The following LAMA1 variants were observed in gnomAD, a reference collection of about 807,000 sequenced individuals.
LAMA1 encodes laminin subunit alpha-1.
In LAMA1, 219 loss-of-function variants were observed where a neutral mutation model predicts 348.7. That is an observed-to-expected ratio of 0.63 (90% CI 0.56 to 0.70). The LOEUF is 0.70. Among genes scored for constraint, LAMA1 ranks in the 30% least tolerant of loss-of-function variants. The pLI, the probability that LAMA1 is intolerant of heterozygous loss-of-function variation, is 0.00. For missense variants in LAMA1, 3,744 were observed against 3,888.0 expected, an observed-to-expected ratio of 0.96 and a Z score of 0.99; for synonymous variants, 1,487 against 1,491.0, an observed-to-expected ratio of 1.00 and a Z score of 0.06.
rs147983400 is a variant in LAMA1, at chr18:7,095,928, C to T, written c.62-15471G>A. Among the ~76,000 whole-genome samples the T allele has an allele frequency of 3.4e-3, 518 of 152,268 alleles. 5 individuals carry two copies. Among genetic ancestry groups the T allele is most frequent in the African/African-American group, 0.012 (489 of 41,542 alleles). The stretch of plus-strand genomic sequence containing the variant: ...CTAAAAATACAAAAAATTCGCCAGG[C>T]GTGGTGGCAGGCGCCTGTAATTCCA... On this transcript the variant is annotated intron_variant, in intron 1 of 62. Coordinates refer to ENST00000389658, the MANE Select transcript of LAMA1 (RefSeq NM_005559.4).
chr18:6,956,316 C>T, intron 56 of LAMA1: 1 of 438,690 alleles, frequency 2.3e-6, no homozygotes, highest in Non-Finnish European at 4.3e-6. Context: ...ACATGAAGTA[C>T]TTATTTTCAT....
intron 3 of LAMA1, among the ~76,000 whole-genome samples, chr18:7,055,443 A>G (rs1380073622): frequency 9.9e-5 from 14 of 141,966 alleles, no homozygotes; most frequent in Non-Finnish European, 1.5e-4. Flanking sequence ...GACAGAGTGA[A>G]ACTCCGTCTC....
intron 62 of LAMA1, 66 bp downstream of exon 62, chr18:6,943,114 C>T: frequency 7.2e-7 from 1 of 1,395,522 alleles, no homozygotes; most frequent in Non-Finnish European, 1.0e-6. Context: ...TCTACATCCA[C>T]CTGAACCAAG....
At chr18:7,004,740 T>C (rs913162002) in intron 29 of LAMA1, among the ~76,000 whole-genome samples, 1 of 152,196 alleles carries the variant, frequency 6.6e-6, no homozygotes, top group African/African-American at 2.4e-5. Context: ...GGTCTTCATA[T>C]CTACCTGTAC....
At chr18:7,024,611 C>T (rs766254869) in intron 17 of LAMA1, 145 bp from the exon 18 acceptor site, 5 of 700,938 alleles carry the variant, frequency 7.1e-6, no homozygotes, top group Admixed American at 2.1e-5. Flanking sequence ...CTCTGGTCAC[C>T]CAGCCCACCC....
intron 34 of LAMA1, among the ~76,000 whole-genome samples, chr18:6,994,716 G>GAAAA (rs10625290): frequency 0.59 from 88,940 of 150,446 alleles, 27,341 homozygotes; most frequent in East Asian, 0.9. Flanking sequence ...ATTCATAAAT[G>GAAAA]AAAAAACAGT....
chr18:7,074,084 C>A (rs1288822777), intron 3 of LAMA1, among the ~76,000 whole-genome samples: 1 of 152,106 alleles, frequency 6.6e-6, no homozygotes, highest in South Asian at 2.1e-4. Context: ...CTGACCTCCT[C>A]GGCCTCCCAA....
At chr18:7,029,472 C>T (rs2057958643) in intron 16 of LAMA1, among the ~76,000 whole-genome samples, 1 of 152,172 alleles carries the variant, frequency 6.6e-6, no homozygotes, top group African/African-American at 2.4e-5. Flanking sequence ...TGGAACATGT[C>T]TATGGTATGT....
intron 1 of LAMA1, among the ~76,000 whole-genome samples, chr18:7,116,413 C>T (rs1347394567): frequency 6.6e-6 from 1 of 152,216 alleles, no homozygotes; most frequent in Non-Finnish European, 1.5e-5. Flanking sequence ...TCTTCCCAGC[C>T]TGGCTCTGCG....
chr18:7,041,976 A>G (rs970102432), intron 9 of LAMA1, among the ~76,000 whole-genome samples, 169 bp downstream of exon 9: 1 of 152,216 alleles, frequency 6.6e-6, no homozygotes, highest in African/African-American at 2.4e-5. Flanking sequence ...ACACATTCCC[A>G]GGTCCTCAAA....
chr18:6,972,959 G>C, intron 47 of LAMA1, 98 bp downstream of exon 47: 1 of 1,402,486 alleles, frequency 7.1e-7, no homozygotes, highest in Non-Finnish European at 1.0e-6. Context: ...CCAAAGTTCT[G>C]GGATTACAGG....
rs117303816 is a variant in LAMA1, at chr18:6,980,568, G to A, written c.5960C>T (p.Thr1987Ile). 1.4e-4 allele frequency: 223 copies of A among 1,613,468 alleles called. No individual in the cohort carries two copies. The East Asian group carries it at 4.6e-3, about 34-fold the overall frequency. The change falls in exon 42 of 63, where the codon ACC becomes ATC. Residue 1987 changes from threonine (T) to isoleucine (I), a missense_variant. Transcript: ENST00000389658. ...NRFQENAVEI[T>I]RQTNESLLIL... ...CAAGAGTGATTCATTGGTTTGCCTG[G>A]TAATTTCAACAGCATTCTCTTGAAA...
At chr18:7,095,122 TTCTCTCTCTCTCTC>T (rs71165720) in intron 1 of LAMA1, among the ~76,000 whole-genome samples, 18,782 of 126,488 alleles carry the variant, frequency 0.15, 1,873 homozygotes, top group East Asian at 0.51. Flanking sequence ...CTCAGGACCT[TTCTCTCTCTCTCTC>T]TCTCTCTCTC....
At chr18:6,963,450 C>A (rs2057618004) in intron 51 of LAMA1, among the ~76,000 whole-genome samples, 2 of 152,188 alleles carry the variant, frequency 1.3e-5, no homozygotes. Context: ...GGATTCAATT[C>A]TAAGATCAGG....
At chr18:6,971,309 C>CTCTATTTCTCTATTTCT (rs1215492614) in intron 48 of LAMA1, among the ~76,000 whole-genome samples, 1 of 152,056 alleles carries the variant, frequency 6.6e-6, no homozygotes, top group East Asian at 1.9e-4. Flanking sequence ...TTCTCTATTT[C>CTCTATTTCTCTATTTCT]CTAATGCATT....
chr18:7,057,857 C>G (rs1171443471), intron 3 of LAMA1, among the ~76,000 whole-genome samples: 1 of 149,630 alleles, frequency 6.7e-6, no homozygotes, highest in South Asian at 2.1e-4. Flanking sequence ...TGCAGTGGTG[C>G]GATCTCCGCT....
chr18:7,033,215 C>A (rs772512113), intron 14 of LAMA1, 120 bp from the exon 15 acceptor site: 2 of 746,944 alleles, frequency 2.7e-6, no homozygotes, highest in Non-Finnish European at 4.6e-6. Context: ...GCCTGTAATC[C>A]CAGCACTTTG....
intron 19 of LAMA1, among the ~76,000 whole-genome samples, chr18:7,021,181 C>A (rs1417156192): frequency 6.6e-6 from 1 of 152,134 alleles, no homozygotes; most frequent in African/African-American, 2.4e-5. Context: ...AACAGCACCC[C>A]CTTCAGGAGG....
intron 1 of LAMA1, among the ~76,000 whole-genome samples, chr18:7,111,330 G>A (rs2058335102): frequency 6.6e-6 from 1 of 152,208 alleles, no homozygotes; most frequent in African/African-American, 2.4e-5. Flanking sequence ...AGGCAAGAAT[G>A]TTATCTACCC....
Sources: allele counts gnomAD v4.1 joint callset (sites outside exome capture counted in the v4.1 genomes callset), GRCh38; gene constraint gnomAD v4.1.1; transcripts MANE v1.5; gene names NCBI Gene and HGNC (gene_info 2026-07-23, HGNC 2026-07-21).